Variants in CSMD1 observed in about 807,000 individuals in gnomAD.
CSMD1 encodes the protein CUB and Sushi multiple domains 1, also known as CUB and sushi domain-containing protein 1.
Under a neutral mutation model 417.5 loss-of-function variants are expected in CSMD1, and 213 were observed. That is an observed-to-expected ratio of 0.51 (90% CI 0.46 to 0.57). The LOEUF (loss-of-function observed/expected upper bound fraction) is 0.57. Ranked by LOEUF, CSMD1 falls within the 20% of genes least tolerant of loss-of-function variation. CSMD1 has a pLI of 0.00. For missense variants in CSMD1, 6,923 were observed against 4,529.7 expected, an observed-to-expected ratio of 1.53 and a Z score of -15.17; for synonymous variants, 2,862 against 1,736.8, an observed-to-expected ratio of 1.65 and a Z score of -16.11.
intron 6 of CSMD1, among the ~76,000 whole-genome samples, chr8:3,719,071 T>A (rs982746718): frequency 3.3e-5 from 5 of 152,170 alleles, no homozygotes; most frequent in African/African-American, 9.7e-5. Context: ...CCTCCTGAGG[T>A]GGAAAACAGA....
chr8:4,841,930 A>AAAAAAAAAAAAAAAAAC (rs1192383183), intron 1 of CSMD1, among the ~76,000 whole-genome samples: 1 of 122,480 alleles, frequency 8.2e-6, no homozygotes, highest in African/African-American at 3.3e-5. Flanking sequence ...AAAAAAAAAA[A>AAAAAAAAAAAAAAAAAC]AAAAAAAAGT....
chr8:3,760,933 A>G (rs899486706), intron 5 of CSMD1, among the ~76,000 whole-genome samples: 1 of 151,870 alleles, frequency 6.6e-6, no homozygotes, highest in Non-Finnish European at 1.5e-5. Context: ...CAATTTGGGC[A>G]GAAAGCCATA....
intron 3 of CSMD1, among the ~76,000 whole-genome samples, chr8:4,199,164 G>C (rs1799507059): frequency 6.6e-6 from 1 of 152,126 alleles, no homozygotes; most frequent in Admixed American, 6.5e-5. Flanking sequence ...ATCCAGCACA[G>C]CACTGGGGAT....
At chr8:4,782,364 C>T (rs1351695019) in intron 1 of CSMD1, among the ~76,000 whole-genome samples, 3 of 151,924 alleles carry the variant, frequency 2.0e-5, no homozygotes, top group Non-Finnish European at 4.4e-5. Context: ...TGATTATACC[C>T]CATAAATATG....
At chr8:3,300,808 A>T (rs1352715626) in intron 25 of CSMD1, among the ~76,000 whole-genome samples, 5 of 151,672 alleles carry the variant, frequency 3.3e-5, no homozygotes, top group Non-Finnish European at 5.9e-5. Context: ...ATACAAAAAA[A>T]ATTAGCTGGG....
chr8:4,024,844 C>T (rs900363605), intron 4 of CSMD1, among the ~76,000 whole-genome samples: 1 of 152,148 alleles, frequency 6.6e-6, no homozygotes, highest in Non-Finnish European at 1.5e-5. Context: ...CTCTGCAATG[C>T]TGCTGAGAAT....
At chr8:4,443,628 T>A (rs770627842) in intron 2 of CSMD1, among the ~76,000 whole-genome samples, 1 of 152,234 alleles carries the variant, frequency 6.6e-6, no homozygotes, top group Non-Finnish European at 1.5e-5. Flanking sequence ...AAGAATGTAC[T>A]GGAACAGCCA....
intron 10 of CSMD1, among the ~76,000 whole-genome samples, chr8:3,510,318 C>T (rs926178164): frequency 2.0e-5 from 3 of 151,768 alleles, no homozygotes; most frequent in African/African-American, 7.3e-5. Context: ...CCATTCCCGT[C>T]ACAGGAAAGA....
chr8:4,809,181 T>G (rs1044982485), intron 1 of CSMD1, among the ~76,000 whole-genome samples: 4 of 152,346 alleles, frequency 2.6e-5, no homozygotes, highest in East Asian at 3.9e-4. Flanking sequence ...AATACACGTC[T>G]TGATATCATC....
chr8:4,801,622 T>C (rs1798289572), intron 1 of CSMD1, among the ~76,000 whole-genome samples: 1 of 152,144 alleles, frequency 6.6e-6, no homozygotes, highest in Admixed American at 6.5e-5. Context: ...TTTGACACAC[T>C]CTGGATTCTG....
chr8:3,214,189 C>A (rs998737337), intron 30 of CSMD1, among the ~76,000 whole-genome samples: 1 of 151,868 alleles, frequency 6.6e-6, no homozygotes, highest in Non-Finnish European at 1.5e-5. Flanking sequence ...AGAGAAGTAA[C>A]TAGAGAAGGC....
intron 3 of CSMD1, among the ~76,000 whole-genome samples, chr8:4,388,926 T>C (rs76353273): frequency 0.031 from 4,696 of 152,256 alleles, 245 homozygotes; most frequent in African/African-American, 0.11. Flanking sequence ...AAGTTACTAA[T>C]GCTTTGAAAA....
chr8:3,387,271 G>T (rs546036267), intron 18 of CSMD1, among the ~76,000 whole-genome samples: 1 of 152,120 alleles, frequency 6.6e-6, no homozygotes, highest in Admixed American at 6.5e-5. Flanking sequence ...TTGTTCATTC[G>T]GGGATAAAGT....
chr8:3,597,383 A>AAAGCCTTTGTCTT (rs57081986), intron 8 of CSMD1, among the ~76,000 whole-genome samples: 82,274 of 151,698 alleles, frequency 0.54, 24,761 homozygotes, highest in African/African-American at 0.8. Flanking sequence ...AACTGCCCCT[A>AAAGCCTTTGTCTT]AAGCTGATTT....
At chr8:4,436,969 C>T (rs1798183868) in intron 2 of CSMD1, among the ~76,000 whole-genome samples, 1 of 152,138 alleles carries the variant, frequency 6.6e-6, no homozygotes, top group African/African-American at 2.4e-5. Flanking sequence ...TACAGTGCTG[C>T]AATTTGAATT....
chr8:3,999,277 G>C (rs996241029), intron 4 of CSMD1, among the ~76,000 whole-genome samples: 1 of 152,058 alleles, frequency 6.6e-6, no homozygotes, highest in African/African-American at 2.4e-5. Context: ...AAGATGGGGG[G>C]AGTTTGCTGT....
At chr8:3,611,341 G>C (rs913901829) in intron 8 of CSMD1, among the ~76,000 whole-genome samples, 3 of 152,004 alleles carry the variant, frequency 2.0e-5, no homozygotes, top group Non-Finnish European at 4.4e-5. Flanking sequence ...TCTAGGGCTT[G>C]GTGAAGCCTG....
At chr8:3,856,516 G>A (rs1470912800) in intron 5 of CSMD1, among the ~76,000 whole-genome samples, 1 of 152,172 alleles carries the variant, frequency 6.6e-6, no homozygotes, top group Non-Finnish European at 1.5e-5. Context: ...GGATCAAATG[G>A]AAATCACGTA....
intron 10 of CSMD1, among the ~76,000 whole-genome samples, chr8:3,525,351 G>A (rs1463294761): frequency 6.6e-6 from 1 of 152,110 alleles, no homozygotes; most frequent in East Asian, 1.9e-4. Flanking sequence ...AGCACTCTGG[G>A]AGGCAGGATA....
Sources: gnomAD v4.1 joint callset for allele counts (sites outside exome capture counted in the v4.1 genomes callset) on GRCh38, gnomAD v4.1.1 for gene constraint, MANE v1.5 for transcripts, NCBI Gene and HGNC (gene_info 2026-07-23, HGNC 2026-07-21) for gene names.